The following FER variants were observed in gnomAD, a reference collection of about 807,000 sequenced individuals.
FER encodes the protein tyrosine-protein kinase Fer.
In FER, 63 loss-of-function variants were observed where a neutral mutation model predicts 111.0. That is an observed-to-expected ratio of 0.57 (90% CI 0.46 to 0.70). The LOEUF is 0.70. Ranked by LOEUF, FER falls within the 30% of genes least tolerant of loss-of-function variation. The pLI is 0.00. For missense variants in FER, 914 were observed against 954.0 expected (o/e 0.96, Z 0.55); for synonymous variants, 327 against 313.9 (o/e 1.04, Z -0.44).
intron 17 of FER, among the ~76,000 whole-genome samples, chr5:109,140,152 T>C (rs1753371167): frequency 6.6e-6 from 1 of 152,194 alleles, no homozygotes; most frequent in Non-Finnish European, 1.5e-5. Flanking sequence ...AAACATATGC[T>C]TATTATATTA....
chr5:109,153,036 T>G (rs1033227066), intron 17 of FER, among the ~76,000 whole-genome samples: 3 of 151,912 alleles, frequency 2.0e-5, no homozygotes, highest in Non-Finnish European at 4.4e-5. Context: ...TATATGTGTA[T>G]AGCTAAACTC....
At chr5:109,082,036 T>G (rs140929948) in intron 16 of FER, among the ~76,000 whole-genome samples, 1 of 138,352 alleles carries the variant, frequency 7.2e-6, no homozygotes, top group Admixed American at 7.1e-5. Flanking sequence ...CTTATTATAG[T>G]TTATGTATGA....
chr5:109,175,181 T>C (rs561811788), intron 17 of FER, among the ~76,000 whole-genome samples: 2 of 152,332 alleles, frequency 1.3e-5, no homozygotes, highest in East Asian at 3.9e-4. Context: ...GATTCCCCGA[T>C]GCATTGTTTC....
chr5:108,833,072 A>G lies in FER; in HGVS notation c.381+129A>G, dbSNP rs539142272. ...ACAAGAAATAGGTTTATGGTCTCTA[A>G]TAAGTAATATCTTATTGAACATAAA... On this transcript the variant is annotated intron_variant, in intron 4 of 19. Coordinates refer to ENST00000281092, the MANE Select transcript of FER (RefSeq NM_005246.4). 3.8e-5 allele frequency: 26 copies of G among 690,360 alleles called. No homozygotes were observed. The African/African-American group carries it at 3.9e-4, about 10-fold the overall frequency. The allele number at this position is 690,360 out of a possible 1,614,324, so 42.8% of individuals were successfully genotyped here. A position where few individuals can be genotyped will look rare whatever the true frequency, so the allele number is the denominator to read the frequency against.
intron 5 of FER, among the ~76,000 whole-genome samples, chr5:108,860,418 A>G (rs963615736): frequency 3.3e-5 from 5 of 152,232 alleles, no homozygotes; most frequent in Admixed American, 6.5e-5. Flanking sequence ...TTTAATTCCT[A>G]TGTTTAAAAA....
At chr5:108,847,921 G>A (rs1005407584) in intron 5 of FER, among the ~76,000 whole-genome samples, 3 of 151,804 alleles carry the variant, frequency 2.0e-5, no homozygotes, top group Admixed American at 6.6e-5. Context: ...GTCTCACTCT[G>A]TTGCTCAGGT....
In FER at chr5:108,798,482, C is replaced by T. The variant is rs1756291533; in HGVS notation, c.207+93C>T. On this transcript the variant is annotated intron_variant, in intron 3 of 19. Coordinates refer to ENST00000281092, the MANE Select transcript of FER (RefSeq NM_005246.4). ...AACTATTGAATGAGCATACTTAAGT[C>T]AGCATTCTAAAGCAGTGATTCCACA... 3.1e-6 allele frequency: 3 copies of T among 960,638 alleles called. No homozygotes were observed. The Admixed American group carries it at 6.8e-5, about 22-fold the overall frequency. The allele number at this position is 960,638 out of a possible 1,614,324, so 59.5% of individuals were successfully genotyped here. A position where few individuals can be genotyped will look rare whatever the true frequency, so the allele number is the denominator to read the frequency against.
intron 10 of FER, among the ~76,000 whole-genome samples, chr5:108,944,426 T>C (rs1756701392): frequency 6.6e-6 from 1 of 152,188 alleles, no homozygotes; most frequent in African/African-American, 2.4e-5. Context: ...GGAAAATGTA[T>C]CTTGCCATTA....
chr5:109,051,592 T>C, intron 16 of FER: 1 of 1,607,198 alleles, frequency 6.2e-7, no homozygotes, highest in African/African-American at 1.3e-5. Context: ...TCTGTCGCCA[T>C]TAACCAGCTT....
chr5:109,149,043 G>A (rs531665269), intron 17 of FER, among the ~76,000 whole-genome samples: 78 of 151,788 alleles, frequency 5.1e-4, no homozygotes, highest in Admixed American at 4.6e-4. Flanking sequence ...GTCTCTAAAA[G>A]GTCCAAATAA....
chr5:109,177,574 T>G (rs959243580), intron 17 of FER: 13 of 152,192 alleles, frequency 8.5e-5, no homozygotes, highest in African/African-American at 3.1e-4. Context: ...CATTGTGCTT[T>G]CTAGACAGTG....
intron 9 of FER, among the ~76,000 whole-genome samples, chr5:108,896,531 A>C (rs993056277): frequency 6.6e-6 from 1 of 152,102 alleles, no homozygotes; most frequent in African/African-American, 2.4e-5. Flanking sequence ...CTTACTCATT[A>C]GTTTTACTTT....
Position 109,044,749 on chromosome 5 carries a change from GA to G in FER, c.1785del (p.Asp596IlefsTer6). On this transcript the variant is annotated frameshift_variant, in exon 15 of 20. Transcript: ENST00000281092. LOFTEE classifies it high-confidence loss of function. ...TTCTGTTGCTGTTAAAACATGTAAA[GA>G]AGATCTTCCTCAGGAATTGAAAATA... ...KTSVAVKTCK[E>X]DLPQELKIKF... 6.3e-7 allele frequency: 1 copy of G among 1,590,060 alleles called. No homozygotes were observed. Among genetic ancestry groups the G allele is most frequent in the South Asian group, 1.2e-5 (1 of 85,352 alleles).
Position 109,083,681 on chromosome 5 carries a change from G to A in FER, c.1925-16715G>A, listed in dbSNP as rs189815214. On this transcript the variant is annotated intron_variant, in intron 16 of 19. Transcript: ENST00000281092. ...CTGGGTATATTAAGAATGCAAGACC[G>A]TCACTGATCTTGACCCAGGCCATTT... is the stretch of plus-strand genomic sequence containing the variant. Among the ~76,000 whole-genome samples, 595 of 152,134 alleles carry A rather than the reference G, an allele frequency of 3.9e-3. 15 individuals carry two copies. The highest frequency in any genetic ancestry group is 7.9e-4 in the Non-Finnish European group (54 of 67,966).
intron 13 of FER, among the ~76,000 whole-genome samples, chr5:109,005,024 A>G (rs1434171141): frequency 6.6e-6 from 1 of 152,136 alleles, no homozygotes; most frequent in Admixed American, 6.6e-5. Context: ...GAAACTAGCC[A>G]CAGTAGGAAC....
At chr5:109,061,277 TC>T (rs1354111576) in intron 16 of FER, among the ~76,000 whole-genome samples, 5 of 152,206 alleles carry the variant, frequency 3.3e-5, no homozygotes, top group African/African-American at 1.2e-4. Flanking sequence ...TTGTCTTTTC[TC>T]TTTATAAAAG....
chr5:108,990,905 G>A (rs997916034), intron 13 of FER, among the ~76,000 whole-genome samples: 1 of 151,666 alleles, frequency 6.6e-6, no homozygotes, highest in Non-Finnish European at 1.5e-5. Context: ...AAAATACCTA[G>A]TACTCTACTT....
chr5:108,912,700 G>A (rs1427163800), intron 10 of FER, among the ~76,000 whole-genome samples: 1 of 152,096 alleles, frequency 6.6e-6, no homozygotes, highest in Non-Finnish European at 1.5e-5. Context: ...GATACTGGTT[G>A]TAATCACAGA....
chr5:108,931,939 C>G (rs1362685807), intron 10 of FER, among the ~76,000 whole-genome samples: 1 of 151,852 alleles, frequency 6.6e-6, no homozygotes, highest in Non-Finnish European at 1.5e-5. Flanking sequence ...TAGAGGCCCT[C>G]CATCCTTCCA....
Sources: allele counts gnomAD v4.1 joint callset (sites outside exome capture counted in the v4.1 genomes callset), GRCh38; gene constraint gnomAD v4.1.1; transcripts MANE v1.5; gene names NCBI Gene and HGNC (gene_info 2026-07-23, HGNC 2026-07-21).